The following PAPPA2 variants were observed in gnomAD, a reference collection of about 807,000 sequenced individuals.
The protein encoded by PAPPA2 is pappalysin 2, also known as pappalysin-2.
In PAPPA2, 86 loss-of-function variants were observed where a neutral mutation model predicts 176.4. That is an observed-to-expected ratio of 0.49 (90% CI 0.41 to 0.58). The LOEUF (loss-of-function observed/expected upper bound fraction) is 0.58, where lower values mean the gene tolerates loss of function less well. Among genes scored for constraint, PAPPA2 ranks in the 20% least tolerant of loss-of-function variants. PAPPA2 has a pLI of 0.00. For missense variants in PAPPA2, 2,073 were observed against 2,256.9 expected, an observed-to-expected ratio of 0.92 and a Z score of 1.65; for synonymous variants, 809 against 852.2, an observed-to-expected ratio of 0.95 and a Z score of 0.88.
In PAPPA2 at chr1:176,769,790, G is replaced by A; in HGVS notation, c.4501+6G>A. ...CCCACCAGCCAAGCTGCAAGGTATT[G>A]TCTGGTCAACCAGGAACTGTATGCA... is the stretch of plus-strand genomic sequence containing the variant. On this transcript the variant is annotated splice_donor_region_variant and intron_variant, in intron 16 of 22. Coordinates refer to ENST00000367662, the MANE Select transcript of PAPPA2 (RefSeq NM_020318.3). The A allele has an allele frequency of 6.3e-7, 1 of 1,598,300 alleles. No individual in the cohort carries two copies. The highest frequency in any genetic ancestry group is 1.1e-5 in the South Asian group (1 of 88,092).
At chr1:176,748,475 A>G (rs1663020845) in intron 14 of PAPPA2, among the ~76,000 whole-genome samples, 3 of 152,154 alleles carry the variant, frequency 2.0e-5, no homozygotes, top group Non-Finnish European at 4.4e-5. Flanking sequence ...TATTTTATGA[A>G]TGATACCTGT....
At chr1:176,658,148 A>G (rs1573206188) in intron 3 of PAPPA2, among the ~76,000 whole-genome samples, 1 of 152,140 alleles carries the variant, frequency 6.6e-6, no homozygotes, top group South Asian at 2.1e-4. Context: ...CCACTAATTC[A>G]ATTAATGCCA....
intron 21 of PAPPA2, among the ~76,000 whole-genome samples, chr1:176,829,227 A>G (rs1666977262): frequency 6.6e-6 from 1 of 151,892 alleles, no homozygotes; most frequent in Non-Finnish European, 1.5e-5. Flanking sequence ...AATGTACTTG[A>G]TTGCTGAGAA....
At chr1:176,552,681 G>A (rs532317042) in intron 1 of PAPPA2, among the ~76,000 whole-genome samples, 13 of 152,056 alleles carry the variant, frequency 8.5e-5, no homozygotes, top group East Asian at 3.9e-4. Context: ...AACTACCCCC[G>A]TCAAAATAAA....
At chr1:176,791,173 ATTT>A (rs57185368) in intron 18 of PAPPA2, among the ~76,000 whole-genome samples, 171 bp from the exon 19 acceptor site, 7 of 80,880 alleles carry the variant, frequency 8.7e-5, no homozygotes, top group African/African-American at 3.6e-4. Flanking sequence ...AAAGCAAAGA[ATTT>A]TTTTTTTTTT....
intron 2 of PAPPA2, among the ~76,000 whole-genome samples, chr1:176,580,641 AT>A (rs60434398): frequency 0.8 from 121,668 of 151,204 alleles, 49,181 homozygotes; most frequent in East Asian, 0.93. Context: ...CATTGCCAGC[AT>A]TTTTTTTTTG....
intron 3 of PAPPA2, among the ~76,000 whole-genome samples, chr1:176,600,483 T>G (rs1326557254): frequency 6.6e-6 from 1 of 151,790 alleles, no homozygotes; most frequent in Non-Finnish European, 1.5e-5. Flanking sequence ...GAGACCATCC[T>G]GGCTAACACG....
At chr1:176,570,017 G>T (rs1238720836) in intron 2 of PAPPA2, among the ~76,000 whole-genome samples, 1 of 152,156 alleles carries the variant, frequency 6.6e-6, no homozygotes, top group Non-Finnish European at 1.5e-5. Context: ...TTACAACTTG[G>T]TTTAACTATG....
chr1:176,666,597 G>C (rs1658658549), intron 3 of PAPPA2, among the ~76,000 whole-genome samples: 2 of 149,878 alleles, frequency 1.3e-5, no homozygotes, highest in African/African-American at 2.5e-5. Flanking sequence ...GTGTGTGTGT[G>C]TGTGTGTGTG....
At chr1:176,808,503 CA>C (rs1325892369) in intron 21 of PAPPA2, among the ~76,000 whole-genome samples, 1 of 152,140 alleles carries the variant, frequency 6.6e-6, no homozygotes, top group African/African-American at 2.4e-5. Context: ...ATCTGACAAA[CA>C]GTGGTAAAAC....
rs1347202674 is a variant in PAPPA2, at chr1:176,555,693, A to G, written c.-630A>G. 6.6e-6 allele frequency: 1 copy of G among 152,252 alleles called. No individual in the cohort carries two copies. The highest frequency in any genetic ancestry group is 1.9e-4 in the East Asian group (1 of 5,198). 9.4% of individuals were successfully genotyped at this position (152,252 alleles called of 1,614,324 possible). On this transcript the variant is annotated 5_prime_UTR_variant, in exon 2 of 23. Coordinates refer to ENST00000367662, the MANE Select transcript of PAPPA2 (RefSeq NM_020318.3). ...TTTTGTGCCCCTAGATTATTTTTGC[A>G]TTTTAAAATAAGAAGCATCAAATTG...
chr1:176,655,563 C>A (rs1657987148), intron 3 of PAPPA2, among the ~76,000 whole-genome samples: 2 of 151,700 alleles, frequency 1.3e-5, no homozygotes, highest in Non-Finnish European at 2.9e-5. Context: ...CACATTAAAT[C>A]CACAATAAGA....
chr1:176,471,613 T>C (rs892970962), intron 1 of PAPPA2, among the ~76,000 whole-genome samples: 1 of 152,196 alleles, frequency 6.6e-6, no homozygotes, highest in African/African-American at 2.4e-5. Context: ...CCCATGAAAG[T>C]AATATACTGA....
chr1:176,604,276 A>G (rs1474360659), intron 3 of PAPPA2, among the ~76,000 whole-genome samples: 7 of 152,118 alleles, frequency 4.6e-5, no homozygotes, highest in Non-Finnish European at 8.8e-5. Flanking sequence ...TATCACAAAC[A>G]TGCTATTTTG....
chr1:176,786,885 G>A (rs1664959437), intron 17 of PAPPA2, among the ~76,000 whole-genome samples: 2 of 152,256 alleles, frequency 1.3e-5, no homozygotes, highest in Non-Finnish European at 2.9e-5. Context: ...GAGTATACAT[G>A]GACACAAAGA....
intron 21 of PAPPA2, among the ~76,000 whole-genome samples, chr1:176,800,816 C>T (rs1665649557): frequency 6.6e-6 from 1 of 152,130 alleles, no homozygotes; most frequent in Non-Finnish European, 1.5e-5. Context: ...GGCATCTATG[C>T]TTGCAATCTC....
intron 20 of PAPPA2, among the ~76,000 whole-genome samples, chr1:176,797,040 C>A (rs1665474080): frequency 6.6e-6 from 1 of 152,140 alleles, no homozygotes; most frequent in Admixed American, 6.5e-5. Context: ...CAAAACAAAT[C>A]TTTGGCATTT....
intron 2 of PAPPA2, among the ~76,000 whole-genome samples, chr1:176,584,001 C>G (rs1273984378): frequency 6.6e-6 from 1 of 152,134 alleles, no homozygotes; most frequent in Non-Finnish European, 1.5e-5. Flanking sequence ...GCTGTACTGC[C>G]ACTGAACTCC....
chr1:176,767,403 G>T (rs964022205), intron 15 of PAPPA2, among the ~76,000 whole-genome samples: 1 of 152,018 alleles, frequency 6.6e-6, no homozygotes, highest in East Asian at 1.9e-4. Flanking sequence ...GCAATGGCAC[G>T]ATCTCAGCTC....
Sources: gnomAD v4.1 joint callset for allele counts (sites outside exome capture counted in the v4.1 genomes callset) on GRCh38, gnomAD v4.1.1 for gene constraint, MANE v1.5 for transcripts, NCBI Gene and HGNC (gene_info 2026-07-23, HGNC 2026-07-21) for gene names.